The following PCSK6 variants were observed in gnomAD, a reference collection of about 807,000 sequenced individuals.
PCSK6 encodes proprotein convertase subtilisin/kexin type 6, also known as paired basic amino acid cleaving enzyme 4.
A neutral mutation model predicts 123.3 loss-of-function variants in PCSK6; 85 were observed. The observed-to-expected ratio is 0.69, with a 90% CI of 0.58 to 0.83. The LOEUF is 0.83. Among genes scored for constraint, PCSK6 ranks in the 40% least tolerant of loss-of-function variants. The probability of loss-of-function intolerance (pLI) is 0.00; values close to 1 mark genes in which losing one functional copy is unlikely to be tolerated. For missense variants in PCSK6, 1,191 were observed against 1,282.3 expected, an observed-to-expected ratio of 0.93 and a Z score of 1.09; for synonymous variants, 508 against 516.0, an observed-to-expected ratio of 0.98 and a Z score of 0.21.
chr15:101,357,303 G>C (rs1215732454), intron 13 of PCSK6, among the ~76,000 whole-genome samples: 3 of 152,184 alleles, frequency 2.0e-5, no homozygotes, highest in African/African-American at 7.2e-5. Flanking sequence ...ACCAGGGAGT[G>C]GAAGATCCTG....
At chr15:101,370,977 G>GGGGAGGGCAGATCACAAGGTC (rs1280042154) in intron 11 of PCSK6, among the ~76,000 whole-genome samples, 1 of 152,150 alleles carries the variant, frequency 6.6e-6, no homozygotes. Flanking sequence ...GTGGGGGGAG[G>GGGGAGGGCAGATCACAAGGTC]GGGAGGGCAG....
chr15:101,312,988 G>C, intron 20 of PCSK6: 1 of 1,151,456 alleles, frequency 8.7e-7, no homozygotes, highest in Non-Finnish European at 1.1e-6. Flanking sequence ...CTGGGCGACA[G>C]AGTGAGAGTG....
At chr15:101,459,982 A>G (rs904932049) in intron 1 of PCSK6, among the ~76,000 whole-genome samples, 14 of 152,174 alleles carry the variant, frequency 9.2e-5, no homozygotes, top group African/African-American at 3.4e-4. Context: ...ACCTCGAGGG[A>G]GAGAGATGTG....
At position 101,398,629 on chromosome 15, in the gene PCSK6, G is replaced by T; in HGVS notation, c.824-53C>A. On this transcript the variant is annotated intron_variant, in intron 6 of 21. Transcript: ENST00000611716. This position sits in a 1 kb window ranked among gnomAD's most constrained non-coding sequence, Gnocchi z 4.6. Reference sequence around the variant, plus strand: ...GGCGCCCAGGCTCCGGGCACACAGCGACGGGAACCCGGGCCCAGGAGGCTC... The same window carrying T: ...GGCGCCCAGGCTCCGGGCACACAGCTACGGGAACCCGGGCCCAGGAGGCTC... 1 of 1,570,374 alleles carries T rather than the reference G, an allele frequency of 6.4e-7. No homozygotes were observed. Among genetic ancestry groups the T allele is most frequent in the South Asian group, 1.1e-5 (1 of 88,130 alleles).
intron 13 of PCSK6, among the ~76,000 whole-genome samples, chr15:101,333,486 G>C (rs374117569): frequency 1.3e-5 from 2 of 152,156 alleles, no homozygotes; most frequent in African/African-American, 4.8e-5. Context: ...TCCTGCCATG[G>C]GGTTTCTTGG....
At chr15:101,403,382 T>G (rs544117177) in intron 6 of PCSK6, among the ~76,000 whole-genome samples, 10 of 150,546 alleles carry the variant, frequency 6.6e-5, no homozygotes, top group South Asian at 4.2e-4. Context: ...GTAACTAACC[T>G]GCACATTGTG....
At position 101,324,831 on chromosome 15, in the gene PCSK6, C is replaced by A. The variant is rs919145735; in HGVS notation, c.2377+19G>T. 6.2e-7 allele frequency: 1 copy of A among 1,601,028 alleles called. No homozygotes were observed. Among genetic ancestry groups the A allele is most frequent in the Admixed American group, 1.7e-5 (1 of 59,648 alleles). ...GGGGCTGGCTCATCAGTTCTTGTACCCACAAACAAGCCACTTACTTTCATC... is the reference window on the plus strand; with the variant it reads ...GGGGCTGGCTCATCAGTTCTTGTACACACAAACAAGCCACTTACTTTCATC... On this transcript the variant is annotated intron_variant, in intron 17 of 21. Coordinates refer to ENST00000611716, the MANE Select transcript of PCSK6 (RefSeq NM_002570.5).
At chr15:101,481,329 T>A (rs1356851135) in intron 1 of PCSK6, among the ~76,000 whole-genome samples, 1 of 124,386 alleles carries the variant, frequency 8.0e-6, no homozygotes, top group African/African-American at 3.0e-5. Flanking sequence ...TGGTGACGGG[T>A]GGGAAGGCTG....
chr15:101,369,218 A>G (rs1021863831), intron 12 of PCSK6, among the ~76,000 whole-genome samples: 27 of 152,238 alleles, frequency 1.8e-4, no homozygotes, highest in African/African-American at 6.0e-4. Flanking sequence ...ACAGGCCCCA[A>G]TCCTCTGGAC....
chr15:101,369,813 C>T (rs959324466), intron 12 of PCSK6, among the ~76,000 whole-genome samples: 1 of 152,224 alleles, frequency 6.6e-6, no homozygotes, highest in Non-Finnish European at 1.5e-5. Context: ...TGGCAGAGAG[C>T]AGCCTGGGAG....
intron 1 of PCSK6, among the ~76,000 whole-genome samples, chr15:101,470,060 A>AT (rs904410520): frequency 5.3e-5 from 8 of 151,858 alleles, no homozygotes; most frequent in East Asian, 3.9e-4. Flanking sequence ...TCTAACTGCC[A>AT]TTTTTTTTGA....
chr15:101,389,351 G>A, intron 9 of PCSK6, 113 bp downstream of exon 9: 1 of 791,896 alleles, frequency 1.3e-6, no homozygotes, highest in South Asian at 1.5e-5. Flanking sequence ...CACTGAATGT[G>A]CTTAATGCCG....
chr15:101,362,720 T>A (rs1375798869), intron 13 of PCSK6, among the ~76,000 whole-genome samples: 1 of 152,154 alleles, frequency 6.6e-6, no homozygotes, highest in Non-Finnish European at 1.5e-5. Flanking sequence ...ACTATCCCCA[T>A]TTTCTAGATA....
chr15:101,311,309 T>A (rs1017822424), intron 20 of PCSK6, among the ~76,000 whole-genome samples: 9 of 141,420 alleles, frequency 6.4e-5, no homozygotes, highest in Admixed American at 1.4e-4. Flanking sequence ...TTTTTTTTAG[T>A]AGAGAAGGGG....
chr15:101,312,241 A>G (rs2039882784), intron 20 of PCSK6: 1 of 152,418 alleles, frequency 6.6e-6, no homozygotes, highest in South Asian at 1.9e-4. Flanking sequence ...CCTGAATAAG[A>G]CAGGTTGCCC....
At chr15:101,372,452 C>A (rs2041614527) in intron 11 of PCSK6, among the ~76,000 whole-genome samples, 1 of 152,202 alleles carries the variant, frequency 6.6e-6, no homozygotes, top group Admixed American at 6.5e-5. Context: ...TTTGCATGCA[C>A]CATAAATTGA....
intron 10 of PCSK6, among the ~76,000 whole-genome samples, chr15:101,382,873 C>T (rs536245898): frequency 2.5e-4 from 38 of 152,236 alleles, no homozygotes; most frequent in African/African-American, 7.5e-4. Context: ...TGTTACAGTA[C>T]ACCACTACCA....
At chr15:101,325,382 G>A (rs561066393) in intron 16 of PCSK6, among the ~76,000 whole-genome samples, 2 of 152,344 alleles carry the variant, frequency 1.3e-5, no homozygotes, top group South Asian at 4.1e-4. Context: ...CAGGGAGTGA[G>A]TCTTGTGGGC....
rs1224105244 is a variant in PCSK6 at position 101,326,498 on chromosome 15, G to A, written c.2078-19C>T. 1.9e-6 allele frequency: 3 copies of A among 1,556,182 alleles called. No homozygotes were observed. In the African/African-American group the frequency reaches 4.1e-5, roughly 21 times the overall value. On this transcript the variant is annotated intron_variant, in intron 15 of 21. Coordinates refer to ENST00000611716, the MANE Select transcript of PCSK6 (RefSeq NM_002570.5). Reference sequence around the variant, plus strand: ...CACACACCTTAAAGAAACAAGCATTGCCTTTCATCCAGAGAGACGCCTTCT... The same window carrying A: ...CACACACCTTAAAGAAACAAGCATTACCTTTCATCCAGAGAGACGCCTTCT...
Sources: allele counts gnomAD v4.1 joint callset (sites outside exome capture counted in the v4.1 genomes callset), GRCh38; gene constraint gnomAD v4.1.1; non-coding constraint Gnocchi (gnomAD v3.1); transcripts MANE v1.5; gene names NCBI Gene and HGNC (gene_info 2026-07-23, HGNC 2026-07-21).